Variants in SEL1L2 observed in about 807,000 individuals in gnomAD.
SEL1L2 encodes the protein protein sel-1 homolog 2.
A neutral mutation model predicts 98.8 loss-of-function variants in SEL1L2; 89 were observed. The ratio of observed to expected loss-of-function variants is 0.90; its 90% confidence interval spans 0.76 to 1.07. The LOEUF is 1.07. SEL1L2 is among the 50% of genes least tolerant of loss of function. The pLI, the probability that SEL1L2 is intolerant of heterozygous loss-of-function variation, is 0.00. For missense variants in SEL1L2, 788 were observed against 812.0 expected, an observed-to-expected ratio of 0.97 and a Z score of 0.36; for synonymous variants, 262 against 278.5, an observed-to-expected ratio of 0.94 and a Z score of 0.59.
At chr20:13,888,621 A>C in intron 5 of SEL1L2, 109 bp from the exon 6 acceptor site, 2 of 409,298 alleles carry the variant, frequency 4.9e-6, no homozygotes, top group Non-Finnish European at 8.6e-6. Context: ...TGCATTGTTA[A>C]TTTCTTTCTT....
At chr20:13,947,087 C>T (rs1001424096) in intron 2 of SEL1L2, among the ~76,000 whole-genome samples, 2 of 151,206 alleles carry the variant, frequency 1.3e-5, no homozygotes, top group South Asian at 2.1e-4. Context: ...CCACTGAAAC[C>T]CCACCTTCAA....
chr20:13,938,914 G>T (rs899365762), intron 2 of SEL1L2, among the ~76,000 whole-genome samples: 2 of 151,746 alleles, frequency 1.3e-5, no homozygotes, highest in Non-Finnish European at 1.5e-5. Flanking sequence ...CTAGAATCTG[G>T]GACCTCTGGC....
chr20:13,970,397 G>C (rs964892971), intron 1 of SEL1L2, among the ~76,000 whole-genome samples: 10 of 152,114 alleles, frequency 6.6e-5, no homozygotes, highest in Admixed American at 6.6e-4. Context: ...CATGTATAAG[G>C]GTTTGTTAGG....
chr20:13,898,089 T>C (rs998129160), intron 5 of SEL1L2, among the ~76,000 whole-genome samples: 2 of 152,006 alleles, frequency 1.3e-5, no homozygotes, highest in African/African-American at 4.8e-5. Context: ...CTTAAAAAAT[T>C]AAAAAATATA....
chr20:13,903,590 A>G (rs983856299), intron 5 of SEL1L2, among the ~76,000 whole-genome samples: 4 of 152,210 alleles, frequency 2.6e-5, no homozygotes, highest in Admixed American at 2.0e-4. Context: ...AGGCAGGCAG[A>G]TCTCTGGAGG....
rs114738511 is a variant in SEL1L2, at chr20:13,989,598, G to C, written c.58+879C>G. Among the ~76,000 whole-genome samples the C allele has an allele frequency of 8.8e-3, 1,344 of 152,142 alleles. 27 individuals are homozygous for C. The highest frequency in any genetic ancestry group is 0.034 in the Middle Eastern group (10 of 294). On this transcript the variant is annotated intron_variant, in intron 1 of 19. Transcript: ENST00000284951. ...TTCACCATTAAATATAGTAGCTTTG[G>C]GTTTTCAATATCTTCTATCAGGTTG... is the stretch of plus-strand genomic sequence containing the variant.
At chr20:13,967,849 CATAT>C (rs1189154410) in intron 1 of SEL1L2, among the ~76,000 whole-genome samples, 1 of 152,116 alleles carries the variant, frequency 6.6e-6, no homozygotes, top group African/African-American at 2.4e-5. Flanking sequence ...GCAAGAATTG[CATAT>C]ATATGAGGGA....
intron 5 of SEL1L2, among the ~76,000 whole-genome samples, chr20:13,913,206 T>C (rs1471350765): frequency 1.3e-5 from 2 of 152,230 alleles, no homozygotes; most frequent in African/African-American, 4.8e-5. Flanking sequence ...GTAAAGACTA[T>C]AGCAACATGA....
intron 5 of SEL1L2, among the ~76,000 whole-genome samples, chr20:13,904,782 C>T (rs1224517320): frequency 3.3e-5 from 5 of 152,274 alleles, no homozygotes; most frequent in African/African-American, 1.2e-4. Flanking sequence ...ATTCTTGATT[C>T]TGCTCAATTT....
intron 17 of SEL1L2, among the ~76,000 whole-genome samples, chr20:13,864,511 G>C (rs1436103482): frequency 6.6e-6 from 1 of 152,098 alleles, no homozygotes; most frequent in Non-Finnish European, 1.5e-5. Context: ...AAAATAGTAA[G>C]AGACATCGCA....
chr20:13,881,221 C>T (rs1390509605), intron 10 of SEL1L2, among the ~76,000 whole-genome samples: 2 of 152,116 alleles, frequency 1.3e-5, no homozygotes, highest in African/African-American at 2.4e-5. Flanking sequence ...ACCATGTTGG[C>T]CAAGATGGTC....
intron 18 of SEL1L2, chr20:13,851,471 G>A (rs1297668011): frequency 1.3e-5 from 2 of 151,990 alleles, no homozygotes; most frequent in Non-Finnish European, 2.9e-5. Flanking sequence ...CTTACAGGAT[G>A]ATGAAGAAAC....
chr20:13,850,071 T>G (rs1987970330), intron 19 of SEL1L2, 120 bp downstream of exon 19: 1 of 1,149,148 alleles, frequency 8.7e-7, no homozygotes. Context: ...GACTCTGAAT[T>G]TTACTTCTCA....
At chr20:13,989,748 T>C (rs996088758) in intron 1 of SEL1L2, among the ~76,000 whole-genome samples, 8 of 152,268 alleles carry the variant, frequency 5.3e-5, no homozygotes, top group Non-Finnish European at 1.2e-4. Flanking sequence ...GTTGATGTGA[T>C]TGTTACATTG....
chr20:13,865,407 C>G lies in SEL1L2; in HGVS notation c.1512G>C (p.Leu504=). 6.2e-7 allele frequency: 1 copy of G among 1,614,112 alleles called. No homozygotes were observed. The highest frequency in any genetic ancestry group is 8.5e-7 in the Non-Finnish European group (1 of 1,179,980). The change falls in exon 16 of 20, where the codon CTG becomes CTC. Residue 504 remains leucine (L), a synonymous_variant. Transcript: ENST00000284951. ...DIDSSLVQYA[L]LAEMGYEVAQ... ...CTACTTCATACCCCATTTCTGCAAG[C>G]AGTGCATACTGAACAAGAGAAGAAT...
chr20:13,938,245 T>A (rs1437665696), intron 2 of SEL1L2, among the ~76,000 whole-genome samples: 1 of 152,076 alleles, frequency 6.6e-6, no homozygotes, highest in Non-Finnish European at 1.5e-5. Context: ...CACACCTGGC[T>A]AATTTTTGTA....
intron 18 of SEL1L2, among the ~76,000 whole-genome samples, chr20:13,856,804 C>G (rs908022143): frequency 2.6e-5 from 4 of 152,226 alleles, no homozygotes; most frequent in African/African-American, 9.7e-5. Flanking sequence ...ATATCACCTT[C>G]TTTGATTCTC....
At position 13,926,546 on chromosome 20, in the gene SEL1L2, G is replaced by T. The variant is rs564042679; in HGVS notation, c.283+5057C>A. On this transcript the variant is annotated intron_variant, in intron 3 of 19. Transcript: ENST00000284951. The stretch of plus-strand genomic sequence containing the variant: ...TGCCTTCATACTGCTGTATCAACTG[G>T]CCATTGGAAGTGAGCTGCCCCAGGA... 2.0e-5 allele frequency among the ~76,000 whole-genome samples: 3 copies of T among 152,040 alleles called. No individual in the cohort carries two copies. In the East Asian group the frequency reaches 5.8e-4, roughly 29 times the overall value.
intron 12 of SEL1L2, among the ~76,000 whole-genome samples, chr20:13,875,005 C>T (rs2147893206): frequency 6.6e-6 from 1 of 152,280 alleles, no homozygotes; most frequent in East Asian, 1.9e-4. Context: ...TCTTATCTGA[C>T]AGATACCAGC....
Sources: allele counts gnomAD v4.1 joint callset (sites outside exome capture counted in the v4.1 genomes callset), GRCh38; gene constraint gnomAD v4.1.1; transcripts MANE v1.5; gene names NCBI Gene and HGNC (gene_info 2026-07-23, HGNC 2026-07-21).